DNAJB6: variants seen among roughly 807,000 people sequenced by gnomAD.
DNAJB6 encodes the protein DnaJ heat shock protein family (Hsp40) member B6.
DNAJB6 carries 16 observed loss-of-function variants against 42.7 expected under a neutral mutation model. The observed-to-expected ratio is 0.37, with a 90% confidence interval of 0.25 to 0.57. The LOEUF is 0.57. DNAJB6 is among the 20% of genes least tolerant of loss of function. The probability of loss-of-function intolerance (pLI) is 0.74; values close to 1 mark genes in which losing one functional copy is unlikely to be tolerated. For missense variants in DNAJB6, 347 were observed against 416.8 expected, an observed-to-expected ratio of 0.83 and a Z score of 1.46; for synonymous variants, 170 against 163.5, an observed-to-expected ratio of 1.04 and a Z score of -0.30.
intron 1 of DNAJB6, among the ~76,000 whole-genome samples, chr7:157,347,443 G>T (rs1457975920): frequency 1.3e-5 from 2 of 152,128 alleles, no homozygotes; most frequent in Admixed American, 1.3e-4. Context: ...CTGGGCTGAA[G>T]CCATCCTCCT....
chr7:157,365,817 A>G (rs1299608444), intron 3 of DNAJB6, among the ~76,000 whole-genome samples: 1 of 152,006 alleles, frequency 6.6e-6, no homozygotes, highest in Non-Finnish European at 1.5e-5. Flanking sequence ...GGCATGCGCC[A>G]CCATGCCTGG....
chr7:157,410,264 G>C (rs145506489), intron 9 of DNAJB6: 1 of 749,474 alleles, frequency 1.3e-6, no homozygotes. Context: ...AAGGATGACA[G>C]AGCTGCCACG....
chr7:157,383,611 TTGTG>T (rs57002445), intron 6 of DNAJB6, among the ~76,000 whole-genome samples: 9,244 of 149,604 alleles, frequency 0.062, 362 homozygotes, highest in South Asian at 0.085. Context: ...GTATGTGTGT[TTGTG>T]TGTGTGTGTG....
intron 8 of DNAJB6, among the ~76,000 whole-genome samples, chr7:157,399,393 G>T (rs761038610): frequency 4.6e-5 from 7 of 152,228 alleles, no homozygotes; most frequent in Admixed American, 1.3e-4. Context: ...ATTTTGGCCA[G>T]TGGTGGTCCA....
intron 8 of DNAJB6, among the ~76,000 whole-genome samples, chr7:157,400,661 C>G (rs1036588121): frequency 6.6e-6 from 1 of 152,206 alleles, no homozygotes; most frequent in Admixed American, 6.5e-5. Flanking sequence ...GGGGCTCTTG[C>G]GTCCGCCTGG....
intron 1 of DNAJB6, among the ~76,000 whole-genome samples, chr7:157,346,361 C>T (rs1032686699): frequency 7.0e-6 from 1 of 143,292 alleles, no homozygotes; most frequent in African/African-American, 2.5e-5. Flanking sequence ...CTTAGTTTCT[C>T]TGTGACTAGG....
intron 8 of DNAJB6, among the ~76,000 whole-genome samples, chr7:157,397,423 C>G (rs1056400703): frequency 3.3e-5 from 5 of 152,208 alleles, no homozygotes; most frequent in African/African-American, 1.2e-4. Context: ...GTGGTGTGTT[C>G]AGCTCTGACA....
At chr7:157,383,813 C>T (rs1243747213) in intron 6 of DNAJB6, among the ~76,000 whole-genome samples, 3 of 152,174 alleles carry the variant, frequency 2.0e-5, no homozygotes, top group Non-Finnish European at 4.4e-5. Flanking sequence ...GTGAAATAGT[C>T]ATTGGGTTTC....
At chr7:157,376,174 G>T (rs1800461646) in intron 5 of DNAJB6, among the ~76,000 whole-genome samples, 1 of 152,170 alleles carries the variant, frequency 6.6e-6, no homozygotes, top group African/African-American at 2.4e-5. Context: ...TTTAAAACAT[G>T]TTCTCCACTT....
chr7:157,338,295 T>A (rs1798156257), intron 1 of DNAJB6, among the ~76,000 whole-genome samples: 1 of 152,044 alleles, frequency 6.6e-6, no homozygotes, highest in Non-Finnish European at 1.5e-5. Context: ...CCTCCGCCAG[T>A]CCACCCGTCC....
chr7:157,383,637 GTGTGT>G (rs746285928), intron 6 of DNAJB6, among the ~76,000 whole-genome samples: 1 of 150,858 alleles, frequency 6.6e-6, no homozygotes, highest in Non-Finnish European at 1.5e-5. Context: ...GTGTGTGTGT[GTGTGT>G]GGTGGGGGTG....
chr7:157,367,298 G>C (rs769526415), intron 4 of DNAJB6, 75 bp from the exon 5 acceptor site: 3 of 983,364 alleles, frequency 3.1e-6, no homozygotes, highest in Non-Finnish European at 4.9e-6. Context: ...TTTGTATAAT[G>C]TTTTGTCAAC....
intron 1 of DNAJB6, among the ~76,000 whole-genome samples, chr7:157,348,826 C>G (rs1563111291): frequency 6.6e-6 from 1 of 152,142 alleles, no homozygotes; most frequent in African/African-American, 2.4e-5. Context: ...GACGTTCCAC[C>G]CTACTAACTT....
intron 8 of DNAJB6, among the ~76,000 whole-genome samples, chr7:157,397,076 C>G (rs1271629606): frequency 6.6e-6 from 1 of 152,206 alleles, no homozygotes; most frequent in African/African-American, 2.4e-5. Flanking sequence ...GACGTGTGCA[C>G]GCGGTGTGTG....
chr7:157,399,326 A>G (rs1042481319), intron 8 of DNAJB6, among the ~76,000 whole-genome samples: 2 of 152,210 alleles, frequency 1.3e-5, no homozygotes, highest in African/African-American at 4.8e-5. Context: ...AGTAGGTGCC[A>G]GGAAAGTGGC....
At chr7:157,404,515 TC>T (rs368866237) in intron 8 of DNAJB6, among the ~76,000 whole-genome samples, 1,757 of 141,292 alleles carry the variant, frequency 0.012, 124 homozygotes, top group African/African-American at 0.047. Flanking sequence ...TTTTTTCTTT[TC>T]TTTTTTTTTT....
In DNAJB6 at chr7:157,396,959, C is replaced by T. The variant is rs377630281; in HGVS notation, c.691+11348C>T. ...TCTGAAAGGGGTCCTGAACCTGCCA[C>T]GGGACGTGATGCCAGTGGTAGCTGA... On this transcript the variant is annotated intron_variant, in intron 8 of 9. Coordinates refer to ENST00000262177, the MANE Select transcript of DNAJB6 (RefSeq NM_058246.4). Among the ~76,000 whole-genome samples, 5 of 152,200 alleles carry T rather than the reference C, an allele frequency of 3.3e-5. No individual in the cohort carries two copies. The East Asian group carries it at 5.8e-4, about 18-fold the overall frequency.
Position 157,416,127 on chromosome 7 carries a change from C to T in DNAJB6, c.*29C>T. 4 of 1,604,734 alleles carry T rather than the reference C, an allele frequency of 2.5e-6. No individual in the cohort carries two copies. Among genetic ancestry groups the T allele is most frequent in the Non-Finnish European group, 3.4e-6 (4 of 1,174,860 alleles). On this transcript the variant is annotated 3_prime_UTR_variant, in exon 10 of 10. Transcript: ENST00000262177. ...GGACTTGAGGCACGCGGTGCACCCC[C>T]AGACGCTGGCGCTCCACCGTGCTCG...
chr7:157,388,480 A>C (rs1801186020), intron 8 of DNAJB6, among the ~76,000 whole-genome samples: 1 of 152,204 alleles, frequency 6.6e-6, no homozygotes, highest in Non-Finnish European at 1.5e-5. Context: ...AACGCTCCTT[A>C]ACGGCACGTA....
Sources: allele counts gnomAD v4.1 joint callset (sites outside exome capture counted in the v4.1 genomes callset), GRCh38; gene constraint gnomAD v4.1.1; transcripts MANE v1.5; gene names NCBI Gene and HGNC (gene_info 2026-07-23, HGNC 2026-07-21).